REDIC1: variants seen among roughly 807,000 people sequenced by gnomAD.
REDIC1 encodes HEI10 Interacting Protein 1.
chr12:39,813,363 G>A, the REDIC1 span, among the ~76,000 whole-genome samples: 23 of 151,772 alleles, frequency 1.5e-4, 1 homozygote, highest in South Asian at 4.4e-3. Flanking sequence ...ATAATTAACC[G>A]GATGTACCCA....
the REDIC1 span, among the ~76,000 whole-genome samples, chr12:39,904,909 A>G: frequency 6.6e-6 from 1 of 152,098 alleles, no homozygotes; most frequent in Non-Finnish European, 1.5e-5. Flanking sequence ...GCTCCCTTGA[A>G]CATGGTACAT....
chr12:39,887,907 A>C, the REDIC1 span, among the ~76,000 whole-genome samples: 1 of 152,228 alleles, frequency 6.6e-6, no homozygotes, highest in East Asian at 1.9e-4. Context: ...TGAACAGACC[A>C]GTGATCAATA....
At chr12:39,907,783 C>T in the REDIC1 span, 1 of 152,138 alleles carries the variant, frequency 6.6e-6, no homozygotes, top group African/African-American at 2.4e-5. Flanking sequence ...ATTAAATTAT[C>T]TTACACGCCA....
the REDIC1 span, among the ~76,000 whole-genome samples, chr12:39,701,514 A>T: frequency 6.6e-6 from 1 of 152,120 alleles, no homozygotes; most frequent in Non-Finnish European, 1.5e-5. Context: ...CCCACTGTCA[A>T]CATTAGACAG....
At chr12:39,764,722 A>G in the REDIC1 span, 2 of 1,610,776 alleles carry the variant, frequency 1.2e-6, no homozygotes, top group Admixed American at 1.7e-5. Flanking sequence ...ACAGTATAAC[A>G]AAGTCTTTGT....
chr12:39,748,873 G>A, the REDIC1 span, among the ~76,000 whole-genome samples: 1 of 151,926 alleles, frequency 6.6e-6, no homozygotes, highest in Admixed American at 6.6e-5. Flanking sequence ...GAAACCAATT[G>A]GAACAAAGAC....
chr12:39,867,695 C>T, the REDIC1 span, among the ~76,000 whole-genome samples: 2 of 152,048 alleles, frequency 1.3e-5, no homozygotes, highest in African/African-American at 4.8e-5. Flanking sequence ...TATTTTGGCC[C>T]ATTTTGGAGG....
the REDIC1 span, among the ~76,000 whole-genome samples, chr12:39,718,642 C>G: frequency 1.3e-5 from 2 of 152,042 alleles, no homozygotes; most frequent in Non-Finnish European, 2.9e-5. Context: ...TGCTTGCTTC[C>G]CTTCCTAATA....
chr12:39,821,278 C>T, the REDIC1 span, among the ~76,000 whole-genome samples: 6 of 151,972 alleles, frequency 3.9e-5, no homozygotes, highest in South Asian at 8.3e-4. Context: ...GGCGTGTTGG[C>T]GGGCGCCTGT....
the REDIC1 span, among the ~76,000 whole-genome samples, chr12:39,671,705 TG>T: frequency 8.6e-4 from 131 of 152,146 alleles, no homozygotes; most frequent in East Asian, 0.018. Context: ...CCTAGGCCCC[TG>T]GGTGGTGTGT....
At chr12:39,714,310 C>T in the REDIC1 span, among the ~76,000 whole-genome samples, 3 of 141,112 alleles carry the variant, frequency 2.1e-5, no homozygotes, top group South Asian at 2.3e-4. Flanking sequence ...TATGTATATA[C>T]GTATATACAG....
the REDIC1 span, chr12:39,640,980 A>G: frequency 6.2e-7 from 1 of 1,610,566 alleles, no homozygotes; most frequent in Non-Finnish European, 8.5e-7. Flanking sequence ...CAAGCAGGAA[A>G]GAAGAAAGCA....
At chr12:39,830,048 T>C in the REDIC1 span, 1 of 1,608,724 alleles carries the variant, frequency 6.2e-7, no homozygotes, top group Non-Finnish European at 8.5e-7. Flanking sequence ...AACTTAAACA[T>C]AAGCCTCGTT....
chr12:39,716,017 A>G, the REDIC1 span, among the ~76,000 whole-genome samples: 2 of 151,932 alleles, frequency 1.3e-5, no homozygotes, highest in Non-Finnish European at 2.9e-5. Flanking sequence ...CAGCTGACTG[A>G]AGCTAGATTC....
chr12:39,735,453 T>C, the REDIC1 span, among the ~76,000 whole-genome samples: 2 of 152,192 alleles, frequency 1.3e-5, no homozygotes, highest in Admixed American at 6.5e-5. Context: ...AGAATGTTGA[T>C]GATGACACCT....
chr12:39,754,371 A>G, the REDIC1 span: 3 of 152,120 alleles, frequency 2.0e-5, no homozygotes, highest in Non-Finnish European at 2.9e-5. Flanking sequence ...GGGATTTTCA[A>G]GGGTCATTTG....
the REDIC1 span, chr12:39,721,577 C>T: frequency 5.6e-6 from 1 of 178,422 alleles, no homozygotes; most frequent in African/African-American, 2.4e-5. Flanking sequence ...TTAAAATATG[C>T]TTAATTGCTT....
chr12:39,896,343 T>C, the REDIC1 span, among the ~76,000 whole-genome samples: 7 of 136,314 alleles, frequency 5.1e-5, no homozygotes, highest in East Asian at 1.7e-3. Flanking sequence ...TATGTATACA[T>C]ATATGTATGT....
chr12:39,721,927 T>C, the REDIC1 span: 1 of 152,118 alleles, frequency 6.6e-6, no homozygotes, highest in African/African-American at 2.4e-5. Context: ...TTAGTGTTGC[T>C]AAGATTCTTT....
Sources: gnomAD v4.1 joint callset for allele counts (sites outside exome capture counted in the v4.1 genomes callset) on GRCh38, gnomAD v4.1.1 for gene constraint, MANE v1.5 for transcripts, NCBI Gene and HGNC (gene_info 2026-07-23, HGNC 2026-07-21) for gene names.